The following ZFP14 variants were observed in gnomAD, a reference collection of about 807,000 sequenced individuals.
ZFP14 encodes the protein ZFP14 zinc finger protein.
ZFP14 carries 22 observed loss-of-function variants against 54.5 expected under a neutral mutation model. That is an observed-to-expected ratio of 0.40 (90% CI 0.29 to 0.58). ZFP14 has a LOEUF of 0.58. Ranked by LOEUF, ZFP14 falls within the 20% of genes least tolerant of loss-of-function variation. The pLI is 0.39. For synonymous variants in ZFP14, 159 were observed against 204.0 expected (o/e 0.78, Z 1.88); for missense variants, 470 against 637.8 (o/e 0.74, Z 2.83).
At chr19:36,348,550 G>A (rs1334796080) in intron 4 of ZFP14, among the ~76,000 whole-genome samples, 1 of 152,182 alleles carries the variant, frequency 6.6e-6, no homozygotes, top group Non-Finnish European at 1.5e-5. Flanking sequence ...AGGCTGGAGT[G>A]CAGTGGCACA....
At position 36,339,571 on chromosome 19, in the gene ZFP14, G is replaced by A. The variant is rs1362823333; in HGVS notation, c.*653C>T. ...ATGCCTTGATGAAGCAAGCAGCCAT[G>A]TTGATGAGGCTATTGTGGCCAGGAG... On this transcript the variant is annotated 3_prime_UTR_variant, in exon 5 of 5. Transcript: ENST00000270001. 6.6e-6 allele frequency: 1 copy of A among 152,286 alleles called. No individual in the cohort carries two copies. Among genetic ancestry groups the A allele is most frequent in the Non-Finnish European group, 1.5e-5 (1 of 68,052 alleles). 9.4% of individuals were successfully genotyped at this position (152,286 alleles called of 1,614,324 possible). A position where few individuals can be genotyped will look rare whatever the true frequency, so the allele number is the denominator to read the frequency against.
chr19:36,356,597 T>C (rs1160378277), intron 4 of ZFP14, among the ~76,000 whole-genome samples: 2 of 152,142 alleles, frequency 1.3e-5, no homozygotes, highest in Non-Finnish European at 1.5e-5. Flanking sequence ...GTACCATGAC[T>C]GCAAGATTTC....
In ZFP14 at chr19:36,362,170, A is replaced by C. The variant is rs1488456640; in HGVS notation, c.78T>G (p.Ala26=). The C allele has an allele frequency of 1.2e-6, 2 of 1,612,842 alleles. No individual in the cohort carries two copies. The highest frequency in any genetic ancestry group is 4.5e-5 in the East Asian group (2 of 44,680). The change falls in exon 3 of 5, where the codon GCT becomes GCG. Residue 26 remains alanine, a synonymous_variant. Transcript: ENST00000270001. The stretch of plus-strand genomic sequence containing the variant: ...TTACATCCCTATATAAGTCCCTCTG[A>C]GCAGGATCCAGGAATTCCCATTCTT... ...SQEEWEFLDP[A]QRDLYRDVMW...
chr19:36,367,064 G>T (rs369067642), intron 2 of ZFP14, among the ~76,000 whole-genome samples: 11 of 151,748 alleles, frequency 7.2e-5, no homozygotes, highest in African/African-American at 2.7e-4. Flanking sequence ...TGAGGCAGGA[G>T]AATTGCTTGA....
rs1210694941 is a variant in ZFP14 at position 36,335,939 on chromosome 19, T to C, written c.*4285A>G. On this transcript the variant is annotated 3_prime_UTR_variant, in exon 5 of 5. Transcript: ENST00000270001. ...TAGTAGAGATGGGGTTTTGCTATGT[T>C]GGTCAGGCTGGTCTCGAACTCCTGA... is the stretch of plus-strand genomic sequence containing the variant. 3 of 152,084 alleles carry C rather than the reference T, an allele frequency of 2.0e-5. No homozygotes were observed. Among genetic ancestry groups the C allele is most frequent in the Admixed American group, 1.3e-4 (2 of 15,264 alleles). 9.4% of individuals were successfully genotyped at this position (152,084 alleles called of 1,614,324 possible).
chr19:36,365,346 CTTGG>C (rs894617230), intron 2 of ZFP14, among the ~76,000 whole-genome samples: 9 of 152,196 alleles, frequency 5.9e-5, no homozygotes, highest in Middle Eastern at 3.4e-3. Context: ...TTCTCATTTG[CTTGG>C]TTTCTTTCTC....
At chr19:36,375,409 A>G (rs2031944836) in intron 1 of ZFP14, among the ~76,000 whole-genome samples, 1 of 143,420 alleles carries the variant, frequency 7.0e-6, no homozygotes, top group African/African-American at 2.6e-5. Flanking sequence ...TTTTTTTGAG[A>G]CAAGGTCTTG....
At chr19:36,345,649 A>T (rs1297705781) in intron 4 of ZFP14, among the ~76,000 whole-genome samples, 1 of 152,234 alleles carries the variant, frequency 6.6e-6, no homozygotes, top group Non-Finnish European at 1.5e-5. Flanking sequence ...AACTGGTGAA[A>T]TGACCCAAAG....
rs1256434630 is a variant in ZFP14, at chr19:36,362,203, G to A, written c.45C>T (p.Phe15=). The A allele has an allele frequency of 3.7e-6, 6 of 1,612,838 alleles. No individual in the cohort carries two copies. The highest frequency in any genetic ancestry group is 4.5e-5 in the East Asian group (2 of 44,686). Residue 15 remains phenylalanine (F), a synonymous_variant, in exon 3 of 5, where the codon TTC becomes TTT. Coordinates refer to ENST00000270001, the MANE Select transcript of ZFP14 (RefSeq NM_020917.3). ...CCAGGAATTCCCATTCTTCCTGTGA[G>A]AAGTCTATGGCCACATCCCTGAATG... The part of the protein sequence containing the change: ...SVTFRDVAID[F]SQEEWEFLDP...
chr19:36,373,302 C>T (rs1365091971), intron 1 of ZFP14, among the ~76,000 whole-genome samples: 1 of 150,302 alleles, frequency 6.7e-6, no homozygotes, highest in African/African-American at 2.4e-5. Flanking sequence ...AAAAAACAAC[C>T]AAACAAACAA....
At chr19:36,365,657 T>TAA (rs397698582) in intron 2 of ZFP14, among the ~76,000 whole-genome samples, 3 of 150,986 alleles carry the variant, frequency 2.0e-5, no homozygotes, top group Non-Finnish European at 3.0e-5. Context: ...TTTTGTTTTT[T>TAA]AAAAAAAAGC....
At chr19:36,360,767 G>A (rs1187133131) in intron 3 of ZFP14, among the ~76,000 whole-genome samples, 1 of 152,118 alleles carries the variant, frequency 6.6e-6, no homozygotes, top group Non-Finnish European at 1.5e-5. Flanking sequence ...ATCTGGTCAA[G>A]AACAGGCCTT....
Position 36,340,694 on chromosome 19 carries a change from TAA to T in ZFP14, c.1130_1131del (p.Phe377Ter). The T allele has an allele frequency of 1.2e-6, 2 of 1,614,018 alleles. No homozygotes were observed. Among genetic ancestry groups the T allele is most frequent in the Non-Finnish European group, 8.5e-7 (1 of 1,179,912 alleles). On this transcript the variant is annotated frameshift_variant, in exon 5 of 5. Transcript: ENST00000270001. LOFTEE classifies it high-confidence loss of function. This position sits in a 1 kb window ranked among gnomAD's most constrained non-coding sequence, Gnocchi z 5.4. ...TGGCGAACTAGTTGTTGTCTTAATC[TAA>T]AAGTCTTCCCACATTCCTTACATTC... The part of the protein sequence containing the change: ...PYECKECGKT[F>X]RLRQQLVRHQ...
rs2032011731 is a variant in ZFP14 at position 36,379,156 on chromosome 19, A to T, written c.-80+7T>A. On this transcript the variant is annotated splice_region_variant and intron_variant, in intron 1 of 4. Transcript: ENST00000270001. ...GCCCATTGCCTCGGTGCAAGCGACC[A>T]ACTCACCTCTCGGAGCCGACACCAG... 1 of 152,652 alleles carries T rather than the reference A, an allele frequency of 6.6e-6. No homozygotes were observed. The highest frequency in any genetic ancestry group is 2.4e-5 in the African/African-American group (1 of 41,422). The allele number at this position is 152,652 out of a possible 1,614,324, so 9.5% of individuals were successfully genotyped here. A position where few individuals can be genotyped will look rare whatever the true frequency, so the allele number is the denominator to read the frequency against.
At chr19:36,368,847 T>C (rs2031836063) in intron 1 of ZFP14, among the ~76,000 whole-genome samples, 1 of 152,010 alleles carries the variant, frequency 6.6e-6, no homozygotes, top group African/African-American at 2.4e-5. Context: ...TCTCTTTTAT[T>C]GATTAATTTT....
chr19:36,363,002 G>C (rs1466678275), intron 2 of ZFP14, among the ~76,000 whole-genome samples: 3 of 151,608 alleles, frequency 2.0e-5, no homozygotes, highest in Non-Finnish European at 4.4e-5. Flanking sequence ...ATAAAATCTC[G>C]AAAGTCTTCC....
rs1234571530 is a variant in ZFP14 at position 36,352,814 on chromosome 19, G to A, written c.235+7621C>T. ...AAATTAGCCGGGCGTGGTGGCAGGC[G>A]CCTGTAGTCCCAGCTACTTGGGAGG... On this transcript the variant is annotated intron_variant, in intron 4 of 4. Transcript: ENST00000270001. Among the ~76,000 whole-genome samples the A allele has an allele frequency of 2.8e-5, 4 of 141,922 alleles. 1 individual carries two copies. The highest frequency in any genetic ancestry group is 5.2e-5 in the African/African-American group (2 of 38,570). The allele number at this position is 141,922 out of a possible 152,430, so 93.1% of individuals were successfully genotyped here. A position where few individuals can be genotyped will look rare whatever the true frequency, so the allele number is the denominator to read the frequency against.
intron 1 of ZFP14, 35 bp downstream of exon 1, chr19:36,379,128 C>G (rs980542349): frequency 6.6e-6 from 1 of 152,668 alleles, no homozygotes; most frequent in Non-Finnish European, 1.5e-5. Context: ...GCGCCACCCC[C>G]GCGCCCATTG....
At chr19:36,350,674 T>C (rs934457518) in intron 4 of ZFP14, among the ~76,000 whole-genome samples, 1 of 141,056 alleles carries the variant, frequency 7.1e-6, no homozygotes. Flanking sequence ...TCCACCACAC[T>C]ACAAAACTAC....
Sources: gnomAD v4.1 joint callset for allele counts (sites outside exome capture counted in the v4.1 genomes callset) on GRCh38, gnomAD v4.1.1 for gene constraint, Gnocchi (gnomAD v3.1) non-coding constraint, MANE v1.5 for transcripts, NCBI Gene and HGNC (gene_info 2026-07-23, HGNC 2026-07-21) for gene names.